The following STUB1 variants were observed in gnomAD, a reference collection of about 807,000 sequenced individuals.
The protein encoded by STUB1 is STIP1 homology and U-box containing protein 1.
In STUB1, 37 loss-of-function variants were observed where a neutral mutation model predicts 40.3. The observed-to-expected ratio is 0.92, with a 90% CI of 0.71 to 1.21. STUB1 has a LOEUF of 1.21. Ranked by LOEUF, STUB1 falls within the 50% of genes most tolerant of loss-of-function variation. The pLI, the probability that STUB1 is intolerant of heterozygous loss-of-function variation, is 0.00. For missense variants in STUB1, 460 were observed against 421.9 expected, an observed-to-expected ratio of 1.09 and a Z score of -0.79; for synonymous variants, 246 against 171.9, an observed-to-expected ratio of 1.43 and a Z score of -3.37.
chr16:681,910 CTG>C (rs770731909), intron 4 of STUB1, 30 bp downstream of exon 4: 16 of 1,611,768 alleles, frequency 9.9e-6, no homozygotes, highest in South Asian at 2.2e-5. Flanking sequence ...ACATGTGGGT[CTG>C]TGTGTGTGCA....
chr16:680,632 T>C lies in STUB1; in HGVS notation c.107T>C (p.Leu36Pro), dbSNP rs2151503709. ...AQELKEQGNR[L>P]FVGRKYPEAA... is the part of the protein sequence containing the mutation. Reference sequence around the variant, plus strand: ...GAGCTCAAGGAGCAGGGCAATCGTCTGTTCGTGGGCCGAAAGTACCCGGAG... The same window carrying C: ...GAGCTCAAGGAGCAGGGCAATCGTCCGTTCGTGGGCCGAAAGTACCCGGAG... Residue 36 changes from leucine (L) to proline (P), a missense_variant, in exon 1 of 7, where the codon CTG becomes CCG. Physicochemically the swap from Leu to Pro is moderately conservative, Grantham distance 98. Coordinates refer to ENST00000219548, the MANE Select transcript of STUB1 (RefSeq NM_005861.4). This position sits in a 1 kb window ranked among gnomAD's most constrained non-coding sequence, Gnocchi z 4.9. 1 of 1,379,006 alleles carries C rather than the reference T, an allele frequency of 7.3e-7. No individual in the cohort carries two copies. The highest frequency in any genetic ancestry group is 9.5e-7 in the Non-Finnish European group (1 of 1,055,278). The allele number at this position is 1,379,006 out of a possible 1,614,324, so 85.4% of individuals were successfully genotyped here.
rs1376536218 is a variant in STUB1 at position 681,488 on chromosome 16, A to G, written c.409A>G (p.Ser137Gly). 1 of 1,612,706 alleles carries G rather than the reference A, an allele frequency of 6.2e-7. No homozygotes were observed. Residue 137 changes from serine (S) to glycine (G), a missense_variant, in exon 3 of 7, where the codon AGC becomes GGC. Physicochemically the swap from Ser to Gly is moderately conservative, Grantham distance 56. Transcript: ENST00000219548. ...GCTGAACTTCGGGGACGACATCCCC[A>G]GCGCTCTTCGAATCGCGAAGAAGAA... ...QRLNFGDDIP[S>G]ALRIAKKKRW...
At position 681,426 on chromosome 16, in the gene STUB1, C is replaced by A; in HGVS notation, c.359-12C>A. The A allele has an allele frequency of 6.2e-7, 1 of 1,609,660 alleles. No individual in the cohort carries two copies. Among genetic ancestry groups the A allele is most frequent in the South Asian group, 1.1e-5 (1 of 91,030 alleles). On this transcript the variant is annotated splice_polypyrimidine_tract_variant and intron_variant, in intron 2 of 6. Transcript: ENST00000219548. ...ACTGGCCAGAGAGTGACGTGAAGCCCCCGTTCCCCAGCTTACAGCCTGGCC... is the reference window on the plus strand; with the variant it reads ...ACTGGCCAGAGAGTGACGTGAAGCCACCGTTCCCCAGCTTACAGCCTGGCC...
In STUB1 at chr16:682,233, G is replaced by A. The variant is rs762144717; in HGVS notation, c.738G>A (p.Thr246=). ...SFELMREPCI[T]PSGITYDRKD... is the part of the protein sequence containing the mutation. Reference sequence around the variant, plus strand: ...AGCTGATGCGGGAGCCGTGCATCACGCCCAGTGGCATCACCTACGACCGCA... The same window carrying A: ...AGCTGATGCGGGAGCCGTGCATCACACCCAGTGGCATCACCTACGACCGCA... The change falls in exon 6 of 7, where the codon ACG becomes ACA. Residue 246 remains threonine (T), a synonymous_variant. Coordinates refer to ENST00000219548, the MANE Select transcript of STUB1 (RefSeq NM_005861.4). 1.1e-5 allele frequency: 17 copies of A among 1,612,852 alleles called. No homozygotes were observed. The highest frequency in any genetic ancestry group is 2.2e-5 in the South Asian group (2 of 91,090).
At position 680,441 on chromosome 16, in the gene STUB1, C is replaced by A; in HGVS notation, c.-85C>A. 8.9e-7 allele frequency: 1 copy of A among 1,129,060 alleles called. No homozygotes were observed. The highest frequency in any genetic ancestry group is 1.1e-6 in the Non-Finnish European group (1 of 917,038). The allele number at this position is 1,129,060 out of a possible 1,614,324, so 69.9% of individuals were successfully genotyped here. A position where few individuals can be genotyped will look rare whatever the true frequency, so the allele number is the denominator to read the frequency against. ...GGGCCGGGCCCGAGCGGATCGCGGGCTCGGGCTGCGGGGCTCCGGCTGCGG... is the reference window on the plus strand; with the variant it reads ...GGGCCGGGCCCGAGCGGATCGCGGGATCGGGCTGCGGGGCTCCGGCTGCGG... On this transcript the variant is annotated 5_prime_UTR_variant, in exon 1 of 7. Transcript: ENST00000219548. The surrounding 1 kb of genome is among the most constrained non-coding windows in gnomAD (Gnocchi z 4.9).
In STUB1 at chr16:681,308, G is replaced by C. The variant is rs1242926184; in HGVS notation, c.316G>C (p.Glu106Gln). ...AHFFLGQCQL[E>Q]MESYDEAIAN... ...CTTCTTCCTGGGGCAGTGCCAGCTG[G>C]AGATGGAGAGCTATGATGAGGCCAT... The change falls in exon 2 of 7, where the codon GAG becomes CAG. Residue 106 changes from glutamate (E) to glutamine (Q), a missense_variant. Glu to Gln is a conservative substitution (Grantham distance 29, BLOSUM62 2). Transcript: ENST00000219548. 1 of 1,612,946 alleles carries C rather than the reference G, an allele frequency of 6.2e-7. No individual in the cohort carries two copies. The highest frequency in any genetic ancestry group is 1.7e-5 in the Admixed American group (1 of 60,026).
chr16:680,444 G>GGGCTGCGGGGCTCC lies in STUB1; in HGVS notation c.-72_-59dup, dbSNP rs953323020. The GGGCTGCGGGGCTCC allele has an allele frequency of 8.8e-6, 10 of 1,136,860 alleles. No homozygotes were observed. The highest frequency in any genetic ancestry group is 4.9e-5 in the African/African-American group (3 of 60,880). The allele number at this position is 1,136,860 out of a possible 1,614,324, so 70.4% of individuals were successfully genotyped here. On this transcript the variant is annotated 5_prime_UTR_variant, in exon 1 of 7. Coordinates refer to ENST00000219548, the MANE Select transcript of STUB1 (RefSeq NM_005861.4). This position sits in a 1 kb window ranked among gnomAD's most constrained non-coding sequence, Gnocchi z 4.9. ...CCGGGCCCGAGCGGATCGCGGGCTC[G>GGGCTGCGGGGCTCC]GGCTGCGGGGCTCCGGCTGCGGGCG...
rs1180326566 is a variant in STUB1 at position 682,798 on chromosome 16, C to T, written c.*309C>T. On this transcript the variant is annotated 3_prime_UTR_variant, in exon 7 of 7. Coordinates refer to ENST00000219548, the MANE Select transcript of STUB1 (RefSeq NM_005861.4). ...CAGTCCTGCCAGCTGTTTTGGCTAG[C>T]CGAGGAAGGTGGAGATGAAGACGCT... 2 of 1,612,796 alleles carry T rather than the reference C, an allele frequency of 1.2e-6. No individual in the cohort carries two copies. Among genetic ancestry groups the T allele is most frequent in the African/African-American group, 1.3e-5 (1 of 74,932 alleles).
rs1374318363 is a variant in STUB1 at position 680,470 on chromosome 16, C to A, written c.-56C>A. The A allele has an allele frequency of 8.5e-7, 1 of 1,176,122 alleles. No individual in the cohort carries two copies. Among genetic ancestry groups the A allele is most frequent in the Admixed American group, 4.6e-5 (1 of 21,712 alleles). The allele number at this position is 1,176,122 out of a possible 1,614,324, so 72.9% of individuals were successfully genotyped here. ...GGCTGCGGGGCTCCGGCTGCGGGCGCTGGGCCGCGAGGCGCGGAGCTTGGG... is the reference window on the plus strand; with the variant it reads ...GGCTGCGGGGCTCCGGCTGCGGGCGATGGGCCGCGAGGCGCGGAGCTTGGG... On this transcript the variant is annotated 5_prime_UTR_variant, in exon 1 of 7. In the 5' UTR this introduces an upstream ATG that the reference lacks. Coordinates refer to ENST00000219548, the MANE Select transcript of STUB1 (RefSeq NM_005861.4). The surrounding 1 kb of genome is among the most constrained non-coding windows in gnomAD (Gnocchi z 4.9).
chr16:682,524 G>A lies in STUB1; in HGVS notation c.*35G>A, dbSNP rs1252857689. The A allele has an allele frequency of 6.2e-7, 1 of 1,612,056 alleles. No individual in the cohort carries two copies. The highest frequency in any genetic ancestry group is 1.7e-5 in the Admixed American group (1 of 60,002). On this transcript the variant is annotated 3_prime_UTR_variant, in exon 7 of 7. Transcript: ENST00000219548. ...CCCTACCTGGCGTCCTGGTCCAGGG[G>A]AGCCCTGGGCAGAAGCCCCCGGCCC...
In STUB1 at chr16:682,292, C is replaced by T. The variant is rs200710703; in HGVS notation, c.786+11C>T. On this transcript the variant is annotated intron_variant, in intron 6 of 6. Transcript: ENST00000219548. ...GAGGAGCACCTGCAGGTGAGGCCTG[C>T]GGCTGGGGGAGCAGGGCCAGTGGCA... 134 of 1,612,348 alleles carry T rather than the reference C, an allele frequency of 8.3e-5. No homozygotes were observed. The highest frequency in any genetic ancestry group is 6.5e-4 in the Admixed American group (39 of 60,026).
rs1177613940 is a variant in STUB1, at chr16:682,721, C to A, written c.*232C>A. On this transcript the variant is annotated 3_prime_UTR_variant, in exon 7 of 7. Transcript: ENST00000219548. ...GGGCTGAGGCCATTGCCGCCACTAT[C>A]TGTGTAATAAAATCCGTGAGCACGA... 10 of 1,545,510 alleles carry A rather than the reference C, an allele frequency of 6.5e-6. No individual in the cohort carries two copies. The highest frequency in any genetic ancestry group is 8.9e-6 in the Non-Finnish European group (10 of 1,129,400).
intron 1 of STUB1, 75 bp from the exon 2 acceptor site, chr16:681,077 C>G (rs1337260538): frequency 1.4e-6 from 2 of 1,429,724 alleles, no homozygotes; most frequent in Admixed American, 2.2e-5. Flanking sequence ...AGCGCAGAAG[C>G]TGGGACGGGC....
Position 681,829 on chromosome 16 carries a change from TGAG to T in STUB1, c.564_566del (p.Glu188del), listed in dbSNP as rs1371523684. On this transcript the variant is annotated inframe_deletion, in exon 4 of 7. Transcript: ENST00000219548. ...AGTGCCAGCGAAACCACGAGGGTGA[TGAG>T]GACGACAGCCACGTCCGGGCCCAGC... The T allele has an allele frequency of 1.4e-5, 22 of 1,609,210 alleles. No individual in the cohort carries two copies. Among genetic ancestry groups the T allele is most frequent in the South Asian group, 4.4e-5 (4 of 90,864 alleles).
rs2039630558 is a variant in STUB1 at position 680,435 on chromosome 16, C to A, written c.-91C>A. ...GGAGCTGGGCCGGGCCCGAGCGGAT[C>A]GCGGGCTCGGGCTGCGGGGCTCCGG... On this transcript the variant is annotated 5_prime_UTR_variant, in exon 1 of 7. Coordinates refer to ENST00000219548, the MANE Select transcript of STUB1 (RefSeq NM_005861.4). This position sits in a 1 kb window ranked among gnomAD's most constrained non-coding sequence, Gnocchi z 4.9. The A allele has an allele frequency of 9.1e-7, 1 of 1,103,058 alleles. No individual in the cohort carries two copies. Among genetic ancestry groups the A allele is most frequent in the Non-Finnish European group, 1.1e-6 (1 of 895,644 alleles). 68.3% of individuals were successfully genotyped at this position (1,103,058 alleles called of 1,614,324 possible). A position where few individuals can be genotyped will look rare whatever the true frequency, so the allele number is the denominator to read the frequency against.
Position 681,358 on chromosome 16 carries a change from GA to G in STUB1, c.358+9del, listed in dbSNP as rs1297888823. The G allele has an allele frequency of 6.2e-6, 10 of 1,612,470 alleles. No homozygotes were observed. The Admixed American group carries it at 1.7e-4, about 27-fold the overall frequency. ...TCGCCAATCTGCAGCGAGGTTGGCT[GA>G]CAAGCTGCCCGGTTGTGGGGCCTCT... On this transcript the variant is annotated intron_variant, in intron 2 of 6. Coordinates refer to ENST00000219548, the MANE Select transcript of STUB1 (RefSeq NM_005861.4).
At chr16:681,069 C>A in intron 1 of STUB1, 83 bp from the exon 2 acceptor site, 1 of 1,376,194 alleles carries the variant, frequency 7.3e-7, no homozygotes, top group Non-Finnish European at 9.9e-7. Context: ...CTAGCCAGAG[C>A]GCAGAAGCTG....
Position 681,614 on chromosome 16 carries a change from C to T in STUB1, c.524+11C>T, listed in dbSNP as rs536327015. ...CGCGGAGCGTGAGAGGTGGGACCCT[C>T]ACCCCAGGCCGCCCTGTCTTGGGAT... On this transcript the variant is annotated intron_variant, in intron 3 of 6. Transcript: ENST00000219548. 1 of 1,599,858 alleles carries T rather than the reference C, an allele frequency of 6.3e-7. No homozygotes were observed. Among genetic ancestry groups the T allele is most frequent in the Non-Finnish European group, 8.5e-7 (1 of 1,171,852 alleles).
chr16:680,940 G>C lies in STUB1; in HGVS notation c.160-212G>C, dbSNP rs1275887732. ...AGGTCCTAAGCCCGGACTCTCCAAA[G>C]ATTTGGAAAACTTTACAAAACCAAG... On this transcript the variant is annotated intron_variant, in intron 1 of 6. Coordinates refer to ENST00000219548, the MANE Select transcript of STUB1 (RefSeq NM_005861.4). The surrounding 1 kb of genome is among the most constrained non-coding windows in gnomAD (Gnocchi z 4.9). The C allele has an allele frequency of 4.3e-6, 3 of 693,970 alleles. No homozygotes were observed. The highest frequency in any genetic ancestry group is 7.0e-6 in the Non-Finnish European group (3 of 431,088). The allele number at this position is 693,970 out of a possible 1,614,324, so 43.0% of individuals were successfully genotyped here.
Sources: gnomAD v4.1 joint callset for allele counts on GRCh38, gnomAD v4.1.1 for gene constraint, Gnocchi (gnomAD v3.1) non-coding constraint, MANE v1.5 for transcripts, NCBI Gene and HGNC (gene_info 2026-07-23, HGNC 2026-07-21) for gene names.